XDH: variants seen among roughly 807,000 people sequenced by gnomAD.
XDH encodes xanthine dehydrogenase.
In XDH, 138 loss-of-function variants were observed where a neutral mutation model predicts 156.1. That is an observed-to-expected ratio of 0.88 (90% confidence interval 0.77 to 1.02). The LOEUF (loss-of-function observed/expected upper bound fraction) is 1.02. Among genes scored for constraint, XDH ranks in the 50% least tolerant of loss-of-function variants. The pLI is 0.00. For synonymous variants in XDH, 669 were observed against 625.7 expected (o/e 1.07, Z -1.03); for missense variants, 1,849 against 1,684.9 (o/e 1.10, Z -1.71).
chr2:31,382,376 G>A (rs1270211718), intron 11 of XDH, among the ~76,000 whole-genome samples: 1 of 152,074 alleles, frequency 6.6e-6, no homozygotes, highest in African/African-American at 2.4e-5. Context: ...GGAGTAGGCT[G>A]TTTTGTTTTA....
chr2:31,397,269 GA>G (rs2148002823), intron 6 of XDH, among the ~76,000 whole-genome samples: 1 of 152,322 alleles, frequency 6.6e-6, no homozygotes, highest in Non-Finnish European at 1.5e-5. Flanking sequence ...GAGAGGGAAG[GA>G]GGAGGGGTGC....
intron 5 of XDH, 107 bp from the exon 6 acceptor site, chr2:31,397,836 A>G (rs1206502291): frequency 6.3e-6 from 8 of 1,272,314 alleles, no homozygotes; most frequent in Non-Finnish European, 9.2e-6. Flanking sequence ...ACCAGGCTGC[A>G]TATTCTGTTA....
chr2:31,401,347 G>A lies in XDH; in HGVS notation c.198-19C>T. ...AAAGTGGCTAGAACCCCAGATTAAGGTCATTCCATTTATTGTCCACTCAGA... is the reference window on the plus strand; with the variant it reads ...AAAGTGGCTAGAACCCCAGATTAAGATCATTCCATTTATTGTCCACTCAGA... On this transcript the variant is annotated intron_variant, in intron 3 of 35. Transcript: ENST00000379416. The A allele has an allele frequency of 6.2e-7, 1 of 1,613,270 alleles. No individual in the cohort carries two copies. The highest frequency in any genetic ancestry group is 8.5e-7 in the Non-Finnish European group (1 of 1,179,504).
intron 11 of XDH, among the ~76,000 whole-genome samples, chr2:31,382,070 G>C (rs1183438763): frequency 2.6e-5 from 4 of 152,152 alleles, no homozygotes; most frequent in African/African-American, 9.7e-5. Context: ...AGAAGATAAA[G>C]ATCAAGGAAA....
At chr2:31,410,690 T>A (rs2148014222) in intron 1 of XDH, among the ~76,000 whole-genome samples, 1 of 152,256 alleles carries the variant, frequency 6.6e-6, no homozygotes, top group East Asian at 1.9e-4. Flanking sequence ...AAATGCAGAC[T>A]CTGAATCTAA....
intron 6 of XDH, among the ~76,000 whole-genome samples, chr2:31,397,423 C>T (rs1360780644): frequency 6.6e-6 from 1 of 152,238 alleles, no homozygotes; most frequent in Non-Finnish European, 1.5e-5. Flanking sequence ...TGAGCCTCTT[C>T]CAGGAAGCCG....
At position 31,379,647 on chromosome 2, in the gene XDH, T is replaced by C. The variant is rs1686376003; in HGVS notation, c.1242+220A>G. ...CAGGACCAAGTTTCTAGCTATCTGG[T>C]TCCACAGTCCATGCCATGTGGACTC... is the stretch of plus-strand genomic sequence containing the variant. On this transcript the variant is annotated intron_variant, in intron 13 of 35. Transcript: ENST00000379416. Among the ~76,000 whole-genome samples the C allele has an allele frequency of 3.9e-5, 6 of 152,304 alleles. No individual in the cohort carries two copies. The South Asian group carries it at 1.2e-3, about 32-fold the overall frequency.
chr2:31,362,741 C>T (rs551378475), intron 24 of XDH, among the ~76,000 whole-genome samples: 39 of 152,256 alleles, frequency 2.6e-4, no homozygotes, highest in East Asian at 1.7e-3. Flanking sequence ...CAGTGCCTGC[C>T]GGGCCGCCTC....
intron 6 of XDH, among the ~76,000 whole-genome samples, chr2:31,396,974 C>A (rs1686926143): frequency 6.6e-6 from 1 of 152,196 alleles, no homozygotes; most frequent in South Asian, 2.1e-4. Context: ...GACCCAGAAT[C>A]AAACTGAAAT....
chr2:31,386,263 C>T, intron 9 of XDH, 151 bp downstream of exon 9: 1 of 1,080,532 alleles, frequency 9.3e-7, no homozygotes, highest in Non-Finnish European at 1.3e-6. Context: ...CTGGAGTGTC[C>T]AGGGATTTCC....
chr2:31,383,853 G>C lies in XDH; in HGVS notation c.794-6C>G. ...CTTGAACTTCATCTCAATGCCTAGA[G>C]AGAAACAAGAAGCTGAAGTTGTAGG... On this transcript the variant is annotated splice_region_variant and splice_polypyrimidine_tract_variant and intron_variant, in intron 9 of 35. Transcript: ENST00000379416. 1 of 1,613,350 alleles carries C rather than the reference G, an allele frequency of 6.2e-7. No individual in the cohort carries two copies. The highest frequency in any genetic ancestry group is 1.1e-5 in the South Asian group (1 of 90,734).
In XDH at chr2:31,383,767, G is replaced by T. The variant is rs768390461; in HGVS notation, c.874C>A (p.His292Asn). Residue 292 changes from histidine to asparagine, a missense_variant, in exon 10 of 36, where the codon CAT becomes AAT. Transcript: ENST00000379416. Reference protein sequence around the residue: ...AWIPELNSVEHGPDGISFGAA... With the variant: ...AWIPELNSVENGPDGISFGAA... ...AACCTCCTCTTACCGTCGGGTCCAT[G>T]TTCTACCGAATTCAGCTCAGGGATC... 3.7e-6 allele frequency: 6 copies of T among 1,613,974 alleles called. No homozygotes were observed. The highest frequency in any genetic ancestry group is 5.1e-6 in the Non-Finnish European group (6 of 1,179,968).
At position 31,342,227 on chromosome 2, in the gene XDH, C is replaced by G; in HGVS notation, c.3475G>C (p.Ala1159Pro). 1 of 1,614,134 alleles carries G rather than the reference C, an allele frequency of 6.2e-7. No homozygotes were observed. The highest frequency in any genetic ancestry group is 1.7e-5 in the Admixed American group (1 of 60,026). ...CAGTCGATTTCTACTTCAGAGCAAG[C>G]CACCCCATAGCTGAAGTAGTGGAAG... The part of the protein sequence containing the change: ...NPFHYFSYGV[A>P]CSEVEIDCLT... The change falls in exon 32 of 36, where the codon GCT becomes CCT. Residue 1159 changes from alanine (A) to proline (P), a missense_variant. Physicochemically the swap from Ala to Pro is conservative, Grantham distance 27 (BLOSUM62 -1). Transcript: ENST00000379416.
rs374039693 is a variant in XDH, at chr2:31,372,249, G to A, written c.1835C>T (p.Thr612Ile). The A allele has an allele frequency of 1.9e-6, 3 of 1,614,120 alleles. No individual in the cohort carries two copies. Among genetic ancestry groups the A allele is most frequent in the African/African-American group, 2.7e-5 (2 of 74,950 alleles). Residue 612 changes from threonine (T) to isoleucine (I), a missense_variant, in exon 17 of 36, where the codon ACC (threonine) becomes ATC (isoleucine). Transcript: ENST00000379416. ...NELSLRLVTSTRAHAKIKSID... is the reference protein window; with the variant it reads ...NELSLRLVTSIRAHAKIKSID... The stretch of plus-strand genomic sequence containing the variant: ...TCACTTGATCTTGGCGTGGGCCCGG[G>A]TGCTGGTGACCAGCCGGAGAGACAG...
At chr2:31,382,907 G>A (rs1479499447) in intron 11 of XDH, 94 bp downstream of exon 11, 2 of 1,574,698 alleles carry the variant, frequency 1.3e-6, no homozygotes, top group Non-Finnish European at 1.7e-6. Context: ...TAAAGTTTGA[G>A]GCCCACTGCA....
At chr2:31,336,159 G>A (rs1028524394) in intron 35 of XDH, 151 bp from the exon 36 acceptor site, 182 of 828,190 alleles carry the variant, frequency 2.2e-4, no homozygotes, top group Non-Finnish European at 4.5e-5. Flanking sequence ...CCTCAGGGCA[G>A]GACTCCTTAA....
chr2:31,339,741 G>A (rs1310959461), intron 33 of XDH, 64 bp from the exon 34 acceptor site: 1 of 1,590,248 alleles, frequency 6.3e-7, no homozygotes, highest in Non-Finnish European at 8.6e-7. Context: ...GATACCACTT[G>A]CCACAATGGA....
At chr2:31,348,866 G>T in intron 27 of XDH, 33 bp downstream of exon 27, 1 of 1,570,098 alleles carries the variant, frequency 6.4e-7, no homozygotes, top group Non-Finnish European at 8.8e-7. Context: ...TCCCAGTCCA[G>T]CGGAGATGGA....
intron 14 of XDH, among the ~76,000 whole-genome samples, chr2:31,376,565 G>A (rs1004631382): frequency 5.4e-5 from 8 of 149,328 alleles, no homozygotes; most frequent in South Asian, 4.2e-4. Flanking sequence ...TAGAGTAAGC[G>A]GTAGAAGAGG....
Sources: gnomAD v4.1 joint callset for allele counts (sites outside exome capture counted in the v4.1 genomes callset) on GRCh38, gnomAD v4.1.1 for gene constraint, MANE v1.5 for transcripts, NCBI Gene and HGNC (gene_info 2026-07-23, HGNC 2026-07-21) for gene names.